SGPL1: variants seen among roughly 807,000 people sequenced by gnomAD.
SGPL1 encodes the protein SP-lyase 1.
A neutral mutation model predicts 68.9 loss-of-function variants in SGPL1; 37 were observed. The observed-to-expected ratio is 0.54, with a 90% CI of 0.41 to 0.71. The LOEUF is 0.71. Among genes scored for constraint, SGPL1 ranks in the 30% least tolerant of loss-of-function variants. SGPL1 has a pLI of 0.00. For synonymous variants in SGPL1, 236 were observed against 248.5 expected (o/e 0.95, Z 0.47); for missense variants, 551 against 704.6 (o/e 0.78, Z 2.47).
chr10:70,861,207 A>C (rs1846046488), intron 7 of SGPL1, among the ~76,000 whole-genome samples: 1 of 152,124 alleles, frequency 6.6e-6, no homozygotes, highest in Admixed American at 6.5e-5. Flanking sequence ...TAAAAAAAAA[A>C]AGTTAACCAG....
intron 3 of SGPL1, among the ~76,000 whole-genome samples, chr10:70,848,935 T>C (rs185774024): frequency 5.1e-4 from 77 of 152,330 alleles, no homozygotes; most frequent in Non-Finnish European, 8.4e-4. Flanking sequence ...TTCCCCTTAC[T>C]CTCAATCCCA....
chr10:70,831,836 G>A (rs898550282), intron 2 of SGPL1, among the ~76,000 whole-genome samples: 3 of 152,162 alleles, frequency 2.0e-5, no homozygotes, highest in Admixed American at 6.5e-5. Flanking sequence ...TCAGGTTGTC[G>A]CTGGCCTTTC....
At chr10:70,844,407 A>G in intron 2 of SGPL1, 66 bp from the exon 3 acceptor site, 1 of 1,453,138 alleles carries the variant, frequency 6.9e-7, no homozygotes, top group Middle Eastern at 1.8e-4. Flanking sequence ...GTTGAAGTAC[A>G]AACTAAGAAC....
chr10:70,858,310 A>AT (rs1240721039), intron 6 of SGPL1, among the ~76,000 whole-genome samples: 5 of 151,570 alleles, frequency 3.3e-5, no homozygotes, highest in African/African-American at 1.2e-4. Flanking sequence ...TAATTTTTGT[A>AT]TTTTTTTGTT....
At chr10:70,854,970 G>A (rs1845941448) in intron 5 of SGPL1, 115 bp downstream of exon 5, 3 of 838,236 alleles carry the variant, frequency 3.6e-6, no homozygotes, top group African/African-American at 3.5e-5. Flanking sequence ...ATGTTTAGGA[G>A]GGCCTACTCT....
intron 12 of SGPL1, among the ~76,000 whole-genome samples, chr10:70,874,458 C>T (rs1341452871): frequency 1.3e-5 from 2 of 152,214 alleles, no homozygotes; most frequent in Non-Finnish European, 2.9e-5. Context: ...GGCGCGGTGA[C>T]TCATCCCTGT....
At position 70,877,590 on chromosome 10, in the gene SGPL1, T is replaced by G. The variant is rs968864061; in HGVS notation, c.*255T>G. 1.9e-5 allele frequency: 8 copies of G among 427,356 alleles called. No individual in the cohort carries two copies. Among genetic ancestry groups the G allele is most frequent in the African/African-American group, 3.9e-5 (2 of 51,758 alleles). 26.5% of individuals were successfully genotyped at this position (427,356 alleles called of 1,614,324 possible). ...TATAAATGTTACCCTAGGAATTGTT[T>G]TAACCATTTCCTTTTCTAAACTCTC... is the stretch of plus-strand genomic sequence containing the variant. On this transcript the variant is annotated 3_prime_UTR_variant, in exon 15 of 15. Coordinates refer to ENST00000373202, the MANE Select transcript of SGPL1 (RefSeq NM_003901.4).
Position 70,852,702 on chromosome 10 carries a change from GTGTA to G in SGPL1, c.261+1496_261+1499del, listed in dbSNP as rs1479065283. Among the ~76,000 whole-genome samples the G allele has an allele frequency of 9.6e-5, 12 of 125,312 alleles. No homozygotes were observed. In the South Asian group the frequency reaches 1.1e-3, roughly 12 times the overall value. The allele number at this position is 125,312 out of a possible 152,430, so 82.2% of individuals were successfully genotyped here. Reference sequence around the variant, plus strand: ...GGCTTAGATACAAAAAATTACATGTGTGTATGTGTGTGTGTGTGTGTGTGTGCGC... The same window carrying G: ...GGCTTAGATACAAAAAATTACATGTGTGTGTGTGTGTGTGTGTGTGTGCGC... On this transcript the variant is annotated intron_variant, in intron 4 of 14. Coordinates refer to ENST00000373202, the MANE Select transcript of SGPL1 (RefSeq NM_003901.4).
chr10:70,836,594 A>G (rs79906684), intron 2 of SGPL1, among the ~76,000 whole-genome samples: 2,431 of 150,890 alleles, frequency 0.016, 46 homozygotes, highest in African/African-American at 0.055. Flanking sequence ...TTCCTGAGAT[A>G]GAGTCTCACT....
rs927479133 is a variant in SGPL1, at chr10:70,880,733, A to G, written c.*3398A>G. On this transcript the variant is annotated 3_prime_UTR_variant, in exon 15 of 15. Transcript: ENST00000373202. Reference sequence around the variant, plus strand: ...GCTTTTAGCCCATTCAGACTTTGCCAGAGTCAAGCCAAGGATTGCTTTTTT... The same window carrying G: ...GCTTTTAGCCCATTCAGACTTTGCCGGAGTCAAGCCAAGGATTGCTTTTTT... 2.4e-4 allele frequency: 36 copies of G among 152,266 alleles called. No individual in the cohort carries two copies. Among genetic ancestry groups the G allele is most frequent in the African/African-American group, 8.0e-4 (33 of 41,472 alleles). 9.4% of individuals were successfully genotyped at this position (152,266 alleles called of 1,614,324 possible).
At chr10:70,831,941 A>G (rs77716871) in intron 2 of SGPL1, among the ~76,000 whole-genome samples, 10,632 of 152,216 alleles carry the variant, frequency 0.07, 489 homozygotes, top group African/African-American at 0.1. Flanking sequence ...GCTTTGAGGC[A>G]GGTAAAAGAG....
intron 7 of SGPL1, chr10:70,866,384 C>G (rs1351052993): frequency 3.3e-5 from 5 of 150,974 alleles, no homozygotes; most frequent in Admixed American, 3.3e-4. Context: ...GAGACCCCAT[C>G]TCAAAAAAAA....
intron 12 of SGPL1, among the ~76,000 whole-genome samples, chr10:70,873,841 A>T (rs12248382): frequency 3.5e-4 from 54 of 152,144 alleles, no homozygotes; most frequent in African/African-American, 1.2e-3. Context: ...ATCTCTATGG[A>T]TGTCTTAATA....
chr10:70,854,170 C>CTT (rs542755242), intron 4 of SGPL1, among the ~76,000 whole-genome samples: 11 of 138,630 alleles, frequency 7.9e-5, no homozygotes, highest in Admixed American at 7.3e-5. Context: ...TTGGGTGCAA[C>CTT]TTTTTTTTTT....
intron 6 of SGPL1, 35 bp from the exon 7 acceptor site, chr10:70,859,336 G>GT (rs1422781798): frequency 7.3e-7 from 1 of 1,370,922 alleles, no homozygotes; most frequent in African/African-American, 1.5e-5. Flanking sequence ...TAGTGTAATA[G>GT]TTTTGATTTC....
Position 70,868,354 on chromosome 10 carries a change from G to T in SGPL1, c.625G>T (p.Gly209Trp). 1.2e-6 allele frequency: 2 copies of T among 1,611,036 alleles called. No individual in the cohort carries two copies. Among genetic ancestry groups the T allele is most frequent in the African/African-American group, 1.3e-5 (1 of 74,932 alleles). Residue 209 changes from glycine to tryptophan, a missense_variant, in exon 8 of 15, where the codon GGG becomes TGG. Physicochemically the swap from Gly to Trp is radical, Grantham distance 184. Coordinates refer to ENST00000373202, the MANE Select transcript of SGPL1 (RefSeq NM_003901.4). ...CTCTTCTTTATTATAGGTGACTTCT[G>T]GGGGAACAGAAAGCATACTGATGGC... is the stretch of plus-strand genomic sequence containing the variant. ...GPDSCGCVTS[G>W]GTESILMACK...
At chr10:70,826,479 G>A (rs900205352) in intron 2 of SGPL1, among the ~76,000 whole-genome samples, 1 of 152,206 alleles carries the variant, frequency 6.6e-6, no homozygotes, top group African/African-American at 2.4e-5. Flanking sequence ...GGAAAAAGAA[G>A]GGCTTGCCCT....
chr10:70,880,428 T>C lies in SGPL1; in HGVS notation c.*3093T>C, dbSNP rs989263903. ...CTTATATTTTTTTCCATCTTCATCA[T>C]CCACTTCTGCTTACAGTTTGCTGCT... On this transcript the variant is annotated 3_prime_UTR_variant, in exon 15 of 15. Transcript: ENST00000373202. The C allele has an allele frequency of 6.6e-6, 1 of 152,186 alleles. No homozygotes were observed. The highest frequency in any genetic ancestry group is 1.5e-5 in the Non-Finnish European group (1 of 68,044). The allele number at this position is 152,186 out of a possible 1,614,324, so 9.4% of individuals were successfully genotyped here. A position where few individuals can be genotyped will look rare whatever the true frequency, so the allele number is the denominator to read the frequency against.
Position 70,844,657 on chromosome 10 carries a change from C to T in SGPL1, c.193+19C>T. 6.2e-7 allele frequency: 1 copy of T among 1,610,638 alleles called. No individual in the cohort carries two copies. ...CCAGAGAGTAAGTATGCTGTCTCCT[C>T]TGTAAAGGTATAGTGGTGTGTCACT... On this transcript the variant is annotated intron_variant, in intron 3 of 14. Coordinates refer to ENST00000373202, the MANE Select transcript of SGPL1 (RefSeq NM_003901.4).
Sources: allele counts gnomAD v4.1 joint callset (sites outside exome capture counted in the v4.1 genomes callset), GRCh38; gene constraint gnomAD v4.1.1; transcripts MANE v1.5; gene names NCBI Gene and HGNC (gene_info 2026-07-23, HGNC 2026-07-21).